The following NLGN4X variants were observed in gnomAD, a reference collection of about 807,000 sequenced individuals.
NLGN4X encodes neuroligin 4 X-linked.
A neutral mutation model predicts 40.3 loss-of-function variants in NLGN4X; 3 were observed. That is an observed-to-expected ratio of 0.07 (90% CI 0.03 to 0.19). NLGN4X has a LOEUF of 0.19. Among genes scored for constraint, NLGN4X ranks in the 10% least tolerant of loss-of-function variants. NLGN4X has a pLI of 1.00. For synonymous variants in NLGN4X, 270 were observed against 306.8 expected, an observed-to-expected ratio of 0.88 and a Z score of 1.25; for missense variants, 382 against 708.3, an observed-to-expected ratio of 0.54 and a Z score of 5.23.
intron 1 of NLGN4X, among the ~76,000 whole-genome samples, chrX:6,155,157 T>C (rs994744112): frequency 9.0e-6 from 1 of 110,853 alleles, no homozygotes; most frequent in Admixed American, 9.7e-5. Flanking sequence ...AAAAATAGGA[T>C]AACTGAGAAA....
At chrX:5,896,688 T>C (rs2031514408) in intron 5 of NLGN4X, among the ~76,000 whole-genome samples, 1 of 112,212 alleles carries the variant, frequency 8.9e-6, no homozygotes, top group African/African-American at 3.2e-5. Context: ...ATGGATATAG[T>C]ACTATGATCT....
chrX:6,066,775 ACT>A (rs1486095411), intron 2 of NLGN4X, among the ~76,000 whole-genome samples: 1 of 108,846 alleles, frequency 9.2e-6, no homozygotes, highest in Non-Finnish European at 1.9e-5. Context: ...ACAGAGTGAG[ACT>A]CTGTCTCAAA....
At chrX:5,986,790 C>T (rs1383641476) in intron 3 of NLGN4X, among the ~76,000 whole-genome samples, 2 of 111,802 alleles carry the variant, frequency 1.8e-5, no homozygotes, top group East Asian at 2.8e-4. Context: ...AGAGTAAACA[C>T]AGTGAACACA....
At chrX:5,918,061 T>C (rs1050294268) in intron 3 of NLGN4X, among the ~76,000 whole-genome samples, 1 of 111,807 alleles carries the variant, frequency 8.9e-6, no homozygotes, top group African/African-American at 3.2e-5. Context: ...CAACAATGTA[T>C]GAAGTAGCCA....
chrX:6,014,557 A>G (rs1235347559), intron 3 of NLGN4X, among the ~76,000 whole-genome samples: 2 of 112,018 alleles, frequency 1.8e-5, no homozygotes, highest in Non-Finnish European at 3.8e-5. Flanking sequence ...TTCGTGAAGG[A>G]GAGAGTCATC....
chrX:5,901,403 T>C (rs927607354), intron 5 of NLGN4X, among the ~76,000 whole-genome samples: 1 of 111,607 alleles, frequency 9.0e-6, no homozygotes, highest in Admixed American at 9.5e-5. Flanking sequence ...AGGGTGATGA[T>C]GGAGGCACAC....
chrX:5,999,162 A>T (rs1473325912), intron 3 of NLGN4X, among the ~76,000 whole-genome samples: 3 of 111,361 alleles, frequency 2.7e-5, no homozygotes. Context: ...TTTTGTGGTT[A>T]ATCAGTCACA....
rs189727425 is a variant in NLGN4X at position 6,103,828 on chromosome X, T to C, written c.472+47167A>G. The stretch of plus-strand genomic sequence containing the variant: ...AACATTAATAGTCACTAGTTCGATG[T>C]TGAAAGGAAATACACAGTATCTCTA... On this transcript the variant is annotated intron_variant, in intron 2 of 5. Coordinates refer to ENST00000381095, the MANE Select transcript of NLGN4X (RefSeq NM_181332.3). Among the ~76,000 whole-genome samples, 363 of 112,431 alleles carry C rather than the reference T, an allele frequency of 3.2e-3. 2 individuals are homozygous for C. Among genetic ancestry groups the C allele is most frequent in the African/African-American group, 0.011 (343 of 30,990 alleles).
At chrX:6,137,253 G>A (rs985636934) in intron 2 of NLGN4X, among the ~76,000 whole-genome samples, 2 of 111,773 alleles carry the variant, frequency 1.8e-5, no homozygotes, top group Admixed American at 1.9e-4. Context: ...CTCACATGGT[G>A]TTCTCCCTGT....
At chrX:6,215,536 C>T (rs1003875507) in intron 1 of NLGN4X, among the ~76,000 whole-genome samples, 1 of 88,265 alleles carries the variant, frequency 1.1e-5, no homozygotes. Flanking sequence ...GTAACGAAAG[C>T]GAAACTCCGT....
At chrX:5,940,610 A>C (rs982179736) in intron 3 of NLGN4X, among the ~76,000 whole-genome samples, 4 of 109,153 alleles carry the variant, frequency 3.7e-5, no homozygotes, top group African/African-American at 1.4e-4. Context: ...AAAAAAAAAA[A>C]ACTTTTTTTT....
chrX:6,070,386 C>T (rs1380808436), intron 2 of NLGN4X, among the ~76,000 whole-genome samples: 1 of 111,692 alleles, frequency 9.0e-6, no homozygotes, highest in African/African-American at 3.3e-5. Flanking sequence ...TAGAGTTTTT[C>T]AAGTTCCACA....
chrX:5,913,380 G>A (rs1353194376), intron 3 of NLGN4X, among the ~76,000 whole-genome samples: 2 of 111,189 alleles, frequency 1.8e-5, no homozygotes, highest in African/African-American at 6.5e-5. Context: ...GTCATTCCTC[G>A]GATAGATCAC....
intron 1 of NLGN4X, among the ~76,000 whole-genome samples, chrX:6,189,265 A>G (rs1213073428): frequency 8.9e-6 from 1 of 112,169 alleles, no homozygotes; most frequent in African/African-American, 3.2e-5. Flanking sequence ...GATTTTGAGA[A>G]TACTGGGAAA....
At chrX:5,943,460 C>T (rs769531101) in intron 3 of NLGN4X, among the ~76,000 whole-genome samples, 1 of 111,773 alleles carries the variant, frequency 8.9e-6, no homozygotes, top group Non-Finnish European at 1.9e-5. Flanking sequence ...ATAACAAATG[C>T]GTGTGTTTTA....
chrX:5,907,022 G>A (rs751911314), intron 4 of NLGN4X, among the ~76,000 whole-genome samples: 5 of 109,640 alleles, frequency 4.6e-5, no homozygotes, highest in East Asian at 2.9e-4. Flanking sequence ...TGGATGTTGC[G>A]GTAAGCCAAG....
chrX:5,991,310 C>A, intron 3 of NLGN4X: 1 of 391,950 alleles, frequency 2.6e-6, no homozygotes, highest in Non-Finnish European at 4.7e-6. Context: ...TAGGGGATTC[C>A]TCCTCTCCCT....
intron 2 of NLGN4X, among the ~76,000 whole-genome samples, chrX:6,081,199 G>A (rs1208040748): frequency 9.0e-6 from 1 of 111,591 alleles, no homozygotes; most frequent in African/African-American, 3.3e-5. Context: ...GAGGTGGGAG[G>A]ATTGCTTGAG....
chrX:6,106,201 G>A (rs2039029347), intron 2 of NLGN4X, among the ~76,000 whole-genome samples: 1 of 111,634 alleles, frequency 9.0e-6, no homozygotes, highest in Admixed American at 9.5e-5. Context: ...CCCCAAATGA[G>A]TTTTGATATC....
Sources: gnomAD v4.1 joint callset for allele counts (sites outside exome capture counted in the v4.1 genomes callset) on GRCh38, gnomAD v4.1.1 for gene constraint, MANE v1.5 for transcripts, NCBI Gene and HGNC (gene_info 2026-07-23, HGNC 2026-07-21) for gene names.